The following ADAMTS9 variants were observed in gnomAD, a reference collection of about 807,000 sequenced individuals.
ADAMTS9 encodes ADAM metallopeptidase with thrombospondin type 1 motif 9.
Under a neutral mutation model 257.1 loss-of-function variants are expected in ADAMTS9, and 107 were observed. The ratio of observed to expected loss-of-function variants is 0.42; its 90% CI spans 0.36 to 0.49. The LOEUF (loss-of-function observed/expected upper bound fraction) is 0.49, where lower values mean the gene tolerates loss of function less well. ADAMTS9 is among the 20% of genes least tolerant of loss of function. ADAMTS9 has a pLI of 0.03. For synonymous variants in ADAMTS9, 982 were observed against 880.9 expected (o/e 1.11, Z -2.03); for missense variants, 2,353 against 2,469.1 (o/e 0.95, Z 1.00).
At chr3:64,562,403 C>A (rs2083443353) in intron 29 of ADAMTS9, among the ~76,000 whole-genome samples, 1 of 152,122 alleles carries the variant, frequency 6.6e-6, no homozygotes, top group Admixed American at 6.5e-5. Context: ...GTTTTCAGCC[C>A]TTGAAAAATA....
At chr3:64,522,952 C>T (rs576906137) in intron 38 of ADAMTS9, among the ~76,000 whole-genome samples, 1 of 152,118 alleles carries the variant, frequency 6.6e-6, no homozygotes, top group East Asian at 1.9e-4. Context: ...TATATATCAT[C>T]ACCAAACTAA....
At position 64,551,078 on chromosome 3, in the gene ADAMTS9, A is replaced by G; in HGVS notation, c.4699-16T>C. ...TCTTGGTGCACTGTTAAATACAAGC[A>G]AAAGAGAAGAATAAACCGTAGTTCC... On this transcript the variant is annotated splice_polypyrimidine_tract_variant and intron_variant, in intron 30 of 39. Coordinates refer to ENST00000498707, the MANE Select transcript of ADAMTS9 (RefSeq NM_182920.2). The G allele has an allele frequency of 3.1e-6, 5 of 1,613,092 alleles. No homozygotes were observed. The highest frequency in any genetic ancestry group is 4.2e-6 in the Non-Finnish European group (5 of 1,179,176).
At chr3:64,612,828 C>T (rs946155721) in intron 22 of ADAMTS9, among the ~76,000 whole-genome samples, 1 of 152,150 alleles carries the variant, frequency 6.6e-6, no homozygotes, top group African/African-American at 2.4e-5. Flanking sequence ...GACTAGAGGA[C>T]TTGGAAAAGA....
rs748153713 is a variant in ADAMTS9 at position 64,622,470 on chromosome 3, C to T, written c.2506G>A (p.Val836Ile). 2.7e-5 allele frequency: 44 copies of T among 1,613,918 alleles called. No individual in the cohort carries two copies. Among genetic ancestry groups the T allele is most frequent in the East Asian group, 2.5e-4 (11 of 44,868 alleles). ...CGATCTGTTGAGTTAATTCTTTCTACGGCAGTCTCGGACCCACTGTACTCT... is the reference window on the plus strand; with the variant it reads ...CGATCTGTTGAGTTAATTCTTTCTATGGCAGTCTCGGACCCACTGTACTCT... ...VVEYSGSETA[V>I]ERINSTDRIE... Residue 836 changes from valine to isoleucine, a missense_variant, in exon 17 of 40, where the codon GTA (valine) becomes ATA (isoleucine). Physicochemically the swap from Val to Ile is conservative, Grantham distance 29. Around this residue, in one of 3 missense-constraint regions of ADAMTS9, gnomAD observed 1,402 missense variants for 1,441.4 expected, o/e 0.97. Transcript: ENST00000498707.
At chr3:64,668,204 A>G (rs1288700461) in intron 3 of ADAMTS9, among the ~76,000 whole-genome samples, 1 of 152,194 alleles carries the variant, frequency 6.6e-6, no homozygotes, top group Non-Finnish European at 1.5e-5. Flanking sequence ...AATAAAATGC[A>G]AGCCACACGT....
intron 28 of ADAMTS9, among the ~76,000 whole-genome samples, chr3:64,593,960 GATGTGTGTGT>G (rs1478780607): frequency 0.011 from 746 of 69,384 alleles, 8 homozygotes; most frequent in African/African-American, 0.035. Context: ...GTGTGTGTAT[GATGTGTGTGT>G]GTGTGTGTGT....
chr3:64,541,455 T>C, intron 34 of ADAMTS9, 41 bp from the exon 35 acceptor site: 1 of 1,609,056 alleles, frequency 6.2e-7, no homozygotes, highest in Non-Finnish European at 8.5e-7. Flanking sequence ...GGCTCAGAAA[T>C]GAGGTAATGA....
At chr3:64,620,736 A>G (rs979499207) in intron 19 of ADAMTS9, among the ~76,000 whole-genome samples, 1 of 152,142 alleles carries the variant, frequency 6.6e-6, no homozygotes, top group African/African-American at 2.4e-5. Context: ...CTCTCGGTAG[A>G]TATAGGTCAT....
rs1229558226 is a variant in ADAMTS9, at chr3:64,528,644, C to CTT, written c.5718+4521_5718+4522insAA. ...GTCCTTCCCACCAGCTATCTCAAGCCAGCTCCCTTCCTTAGTCACCTTGGC... is the reference window on the plus strand; with the variant it reads ...GTCCTTCCCACCAGCTATCTCAAGCCTTAGCTCCCTTCCTTAGTCACCTTGGC... On this transcript the variant is annotated intron_variant, in intron 38 of 39. Coordinates refer to ENST00000498707, the MANE Select transcript of ADAMTS9 (RefSeq NM_182920.2). Among the ~76,000 whole-genome samples the CTT allele has an allele frequency of 3.9e-5, 6 of 152,288 alleles. No individual in the cohort carries two copies. In the East Asian group the frequency reaches 1.2e-3, roughly 29 times the overall value.
At chr3:64,562,203 C>G (rs986550468) in intron 29 of ADAMTS9, among the ~76,000 whole-genome samples, 12 of 152,126 alleles carry the variant, frequency 7.9e-5, no homozygotes, top group African/African-American at 2.9e-4. Context: ...AAGTAAACCA[C>G]TGAAGATTTT....
intron 22 of ADAMTS9, 95 bp downstream of exon 22, chr3:64,613,250 C>A (rs1299233203): frequency 3.5e-6 from 5 of 1,445,812 alleles, no homozygotes; most frequent in East Asian, 4.7e-5. Flanking sequence ...CCCGGCACAG[C>A]GGTTAAATCT....
At chr3:64,634,836 T>TAG (rs1700454298) in intron 12 of ADAMTS9, among the ~76,000 whole-genome samples, 1 of 152,106 alleles carries the variant, frequency 6.6e-6, no homozygotes, top group Non-Finnish European at 1.5e-5. Context: ...CTATAAAAAA[T>TAG]GGGTTTTTGG....
In ADAMTS9 at chr3:64,622,599, A is replaced by G. The variant is rs536828916; in HGVS notation, c.2390-13T>C. 4.3e-6 allele frequency: 7 copies of G among 1,613,304 alleles called. No individual in the cohort carries two copies. In the African/African-American group the frequency reaches 8.0e-5, roughly 18 times the overall value. ...CTGCTTGATAAAGCTGTAGGTGAAG[A>G]AACAGAATAATACATTGATCTGCTG... On this transcript the variant is annotated splice_polypyrimidine_tract_variant and intron_variant, in intron 16 of 39. Transcript: ENST00000498707.
At chr3:64,537,333 C>T (rs975875562) in intron 37 of ADAMTS9, among the ~76,000 whole-genome samples, 18 of 152,074 alleles carry the variant, frequency 1.2e-4, no homozygotes, top group African/African-American at 3.9e-4. Flanking sequence ...ACAAGAAAAT[C>T]CTGAGACATT....
At chr3:64,615,612 T>C in intron 20 of ADAMTS9, 127 bp from the exon 21 acceptor site, 1 of 998,754 alleles carries the variant, frequency 1.0e-6, no homozygotes, top group Admixed American at 3.0e-5. Context: ...TCTAGTTATT[T>C]TGGTGGAGAT....
At chr3:64,617,452 G>A (rs1699988044) in intron 19 of ADAMTS9, among the ~76,000 whole-genome samples, 1 of 152,140 alleles carries the variant, frequency 6.6e-6, no homozygotes, top group Admixed American at 6.6e-5. Context: ...AGGGCATAGC[G>A]CAGCCTTAGA....
At chr3:64,564,050 T>C (rs187977688) in intron 29 of ADAMTS9, among the ~76,000 whole-genome samples, 1 of 152,334 alleles carries the variant, frequency 6.6e-6, no homozygotes, top group East Asian at 1.9e-4. Context: ...GTGGTATGTG[T>C]ATGTGTGTGT....
intron 28 of ADAMTS9, chr3:64,590,081 T>C (rs2084233071): frequency 6.6e-6 from 1 of 152,230 alleles, no homozygotes; most frequent in Non-Finnish European, 1.5e-5. Flanking sequence ...AAATGGAGCA[T>C]GCATATTTCA....
At chr3:64,678,208 C>T (rs111591981) in intron 3 of ADAMTS9, among the ~76,000 whole-genome samples, 342 of 152,324 alleles carry the variant, frequency 2.2e-3, no homozygotes, top group Middle Eastern at 0.01. Context: ...AGCATCTTAA[C>T]ATCCTGCAAC....
Sources: allele counts gnomAD v4.1 joint callset (sites outside exome capture counted in the v4.1 genomes callset), GRCh38; gene constraint gnomAD v4.1.1; regional missense constraint gnomAD v4.1.1; transcripts MANE v1.5; gene names NCBI Gene and HGNC (gene_info 2026-07-23, HGNC 2026-07-21).